ABAT: variants seen among roughly 807,000 people sequenced by gnomAD.
ABAT encodes the protein 4-aminobutyrate aminotransferase, mitochondrial.
In ABAT, 45 loss-of-function variants were observed where a neutral mutation model predicts 64.6. That is an observed-to-expected ratio of 0.70 (90% confidence interval 0.55 to 0.89). ABAT has a LOEUF of 0.89. Ranked by LOEUF, ABAT falls within the 40% of genes least tolerant of loss-of-function variation. ABAT has a pLI of 0.00. For missense variants in ABAT, 633 were observed against 658.4 expected (o/e 0.96, Z 0.42); for synonymous variants, 297 against 250.5 (o/e 1.19, Z -1.75).
At chr16:8,709,921 C>G (rs988580789) in intron 1 of ABAT, among the ~76,000 whole-genome samples, 1 of 151,868 alleles carries the variant, frequency 6.6e-6, no homozygotes, top group Non-Finnish European at 1.5e-5. Flanking sequence ...ATCCTCCCTC[C>G]GCCGCCTGAG....
intron 1 of ABAT, among the ~76,000 whole-genome samples, chr16:8,730,175 C>T (rs1446758893): frequency 3.3e-5 from 5 of 152,124 alleles, no homozygotes; most frequent in African/African-American, 4.8e-5. Context: ...ATAGCAAGTG[C>T]CCAGTACTTG....
At chr16:8,728,329 G>C (rs1436478655) in intron 1 of ABAT, among the ~76,000 whole-genome samples, 1 of 152,180 alleles carries the variant, frequency 6.6e-6, no homozygotes, top group Non-Finnish European at 1.5e-5. Flanking sequence ...TTTTGTAATT[G>C]AAAACGTGTG....
intron 1 of ABAT, among the ~76,000 whole-genome samples, chr16:8,686,913 C>T (rs1460768270): frequency 6.6e-6 from 1 of 152,214 alleles, no homozygotes; most frequent in Non-Finnish European, 1.5e-5. Flanking sequence ...TCTGAAAGTG[C>T]TTTCCTTAGC....
chr16:8,762,000 T>TCTCCTTCTC (rs199573711), intron 6 of ABAT, among the ~76,000 whole-genome samples: 1 of 145,350 alleles, frequency 6.9e-6, no homozygotes, highest in Non-Finnish European at 1.6e-5. Context: ...TCCTTCTCCT[T>TCTCCTTCTC]CTTCTCCTTC....
chr16:8,692,874 G>A (rs1027923907), intron 1 of ABAT, among the ~76,000 whole-genome samples: 1 of 152,050 alleles, frequency 6.6e-6, no homozygotes, highest in African/African-American at 2.4e-5. Context: ...TCTTTTTTGA[G>A]ATGGAGCCTC....
At chr16:8,702,743 G>C (rs992098134) in intron 1 of ABAT, among the ~76,000 whole-genome samples, 9 of 152,160 alleles carry the variant, frequency 5.9e-5, no homozygotes, top group Admixed American at 2.0e-4. Flanking sequence ...CATATCAGGG[G>C]ACCACTGGAA....
At chr16:8,721,651 A>T (rs74008015) in intron 1 of ABAT, among the ~76,000 whole-genome samples, 6,286 of 152,308 alleles carry the variant, frequency 0.041, 184 homozygotes, top group South Asian at 0.11. Flanking sequence ...GTAGGTGAAC[A>T]GTAAGTAAAT....
chr16:8,685,725 ACAAAAAAC>A (rs767501920), intron 1 of ABAT, among the ~76,000 whole-genome samples: 38 of 152,176 alleles, frequency 2.5e-4, no homozygotes, highest in Middle Eastern at 6.8e-3. Context: ...AAACAAAAAA[ACAAAAAAC>A]CAATGTTCAA....
chr16:8,700,812 C>G (rs2057804751), intron 1 of ABAT, among the ~76,000 whole-genome samples: 1 of 151,788 alleles, frequency 6.6e-6, no homozygotes, highest in African/African-American at 2.4e-5. Context: ...CACTATGTTG[C>G]TCAGGCTGGT....
intron 12 of ABAT, among the ~76,000 whole-genome samples, chr16:8,774,630 ATTTAATGTTCTGGG>A (rs2142996396): frequency 6.6e-6 from 1 of 152,192 alleles, no homozygotes; most frequent in Admixed American, 6.5e-5. Flanking sequence ...TGCAGGGAGT[ATTTAATGTTCTGGG>A]TTTTTTTGGT....
At chr16:8,719,075 C>G (rs953579692) in intron 1 of ABAT, among the ~76,000 whole-genome samples, 13 of 152,152 alleles carry the variant, frequency 8.5e-5, no homozygotes, top group Admixed American at 7.2e-4. Context: ...TCACACCGAC[C>G]TGATTTGTTT....
rs377342959 is a variant in ABAT, at chr16:8,738,016, G to GAAAGAAAGAAAGAAAGAAA, written c.70+2207_70+2208insAAAGAAAGAAAGAAAGAAA. Among the ~76,000 whole-genome samples the GAAAGAAAGAAAGAAAGAAA allele has an allele frequency of 1.9e-3, 107 of 57,732 alleles. 12 individuals are homozygous for GAAAGAAAGAAAGAAAGAAA. Among genetic ancestry groups the GAAAGAAAGAAAGAAAGAAA allele is most frequent in the Middle Eastern group, 0.017 (2 of 116 alleles). 37.9% of individuals were successfully genotyped at this position (57,732 alleles called of 152,430 possible). A position where few individuals can be genotyped will look rare whatever the true frequency, so the allele number is the denominator to read the frequency against. ...GGAAAGAAAGAAAGAAAGAAAGAAA[G>GAAAGAAAGAAAGAAAGAAA]GAAAGAAAGAAAGAAGGACAGACAG... is the stretch of plus-strand genomic sequence containing the variant. On this transcript the variant is annotated intron_variant, in intron 2 of 15. Transcript: ENST00000268251.
At chr16:8,741,447 C>T (rs892518212) in intron 2 of ABAT, among the ~76,000 whole-genome samples, 1 of 152,228 alleles carries the variant, frequency 6.6e-6, no homozygotes, top group East Asian at 1.9e-4. Context: ...AATTAATTAA[C>T]CTCTCTGAGC....
In ABAT at chr16:8,766,255, G is replaced by A. The variant is rs754582322; in HGVS notation, c.588G>A (p.Thr196=). ...QRGFSQEELE[T]CMINQAPGCP... The stretch of plus-strand genomic sequence containing the variant: ...GCTTCTCCCAGGAGGAGCTGGAGAC[G>A]TGCATGATTAACCAGGTGAGTGCAG... Residue 196 remains threonine, a synonymous_variant, in exon 9 of 16, where the codon ACG becomes ACA. Transcript: ENST00000268251. The A allele has an allele frequency of 2.3e-5, 37 of 1,613,968 alleles. No individual in the cohort carries two copies. The highest frequency in any genetic ancestry group is 4.0e-5 in the African/African-American group (3 of 74,928).
chr16:8,734,858 G>A (rs1456799399), intron 1 of ABAT, among the ~76,000 whole-genome samples: 1 of 152,110 alleles, frequency 6.6e-6, no homozygotes, highest in Non-Finnish European at 1.5e-5. Context: ...GGAGCAAGGA[G>A]AGATGATAAA....
At chr16:8,748,830 T>A (rs1271439070) in intron 4 of ABAT, among the ~76,000 whole-genome samples, 1 of 152,182 alleles carries the variant, frequency 6.6e-6, no homozygotes, top group Non-Finnish European at 1.5e-5. Flanking sequence ...GTACAACCCC[T>A]TCTAGCTTTC....
chr16:8,686,275 T>C lies in ABAT; in HGVS notation c.-42+11564T>C, dbSNP rs536383983. 3.9e-5 allele frequency among the ~76,000 whole-genome samples: 6 copies of C among 152,332 alleles called. No homozygotes were observed. In the South Asian group the frequency reaches 1.2e-3, roughly 32 times the overall value. On this transcript the variant is annotated intron_variant, in intron 1 of 15. Coordinates refer to ENST00000268251, the MANE Select transcript of ABAT (RefSeq NM_020686.6). ...GCAAATGAATGCCTGCATGCAAATT[T>C]GCATGCCTGGCATCCTGCCCCAGCC...
At chr16:8,766,313 G>T in intron 9 of ABAT, 43 bp downstream of exon 9, 1 of 1,589,714 alleles carries the variant, frequency 6.3e-7, no homozygotes. Flanking sequence ...TGGGGAAGCT[G>T]CACAGCCTCT....
chr16:8,728,239 A>G (rs1195522083), intron 1 of ABAT, among the ~76,000 whole-genome samples: 1 of 152,244 alleles, frequency 6.6e-6, no homozygotes, highest in Non-Finnish European at 1.5e-5. Flanking sequence ...AATGTCTAAC[A>G]GAGATCAGAT....
Sources: gnomAD v4.1 joint callset for allele counts (sites outside exome capture counted in the v4.1 genomes callset) on GRCh38, gnomAD v4.1.1 for gene constraint, MANE v1.5 for transcripts, NCBI Gene and HGNC (gene_info 2026-07-23, HGNC 2026-07-21) for gene names.